Variants in DENND1A observed in about 807,000 individuals in gnomAD.
DENND1A encodes DENN domain-containing protein 1A.
In DENND1A, 51 loss-of-function variants were observed where a neutral mutation model predicts 113.7. The ratio of observed to expected loss-of-function variants is 0.45; its 90% CI spans 0.36 to 0.57. DENND1A has a LOEUF of 0.57. DENND1A is among the 20% of genes least tolerant of loss of function. The probability of loss-of-function intolerance (pLI) is 0.00; values close to 1 mark genes in which losing one functional copy is unlikely to be tolerated. For missense variants in DENND1A, 1,258 were observed against 1,395.9 expected (o/e 0.90, Z 1.57); for synonymous variants, 565 against 570.8 (o/e 0.99, Z 0.14).
At position 123,441,005 on chromosome 9, in the gene DENND1A, AT is replaced by A. The variant is rs561826481; in HGVS notation, c.1357-515del. On this transcript the variant is annotated intron_variant, in intron 18 of 23. Transcript: ENST00000394215. Reference sequence around the variant, plus strand: ...CTACTATTGGGCATTTAGGATTCTAATTTTTTTTTAAACATTCAAAATGCCA... The same window carrying A: ...CTACTATTGGGCATTTAGGATTCTAATTTTTTTTAAACATTCAAAATGCCA... Among the ~76,000 whole-genome samples, 803 of 151,912 alleles carry A rather than the reference AT, an allele frequency of 5.3e-3. 3 individuals are homozygous for A. Among genetic ancestry groups the A allele is most frequent in the Middle Eastern group, 0.02 (6 of 294 alleles).
At chr9:123,399,967 C>G (rs891954238) in intron 21 of DENND1A, 1 of 152,282 alleles carries the variant, frequency 6.6e-6, no homozygotes, top group African/African-American at 2.4e-5. Context: ...GGTGCTCCAC[C>G]GCGCCCCCTG....
Position 123,668,273 on chromosome 9 carries a change from T to C in DENND1A, c.454-1194A>G, listed in dbSNP as rs549814724. Among the ~76,000 whole-genome samples the C allele has an allele frequency of 5.9e-5, 9 of 152,242 alleles. No individual in the cohort carries two copies. In the South Asian group the frequency reaches 6.2e-4, roughly 11 times the overall value. On this transcript the variant is annotated intron_variant, in intron 7 of 23. Transcript: ENST00000394215. ...CACCCCAACCCCCACTCTTGGGTGA[T>C]TGCAAAATAGGTAGGTGTGTAGAAG...
At chr9:123,871,786 G>T (rs545241122) in intron 2 of DENND1A, among the ~76,000 whole-genome samples, 1 of 149,976 alleles carries the variant, frequency 6.7e-6, no homozygotes, top group African/African-American at 2.4e-5. Context: ...AATGCTGGGG[G>T]TTGGGGTAGG....
intron 2 of DENND1A, among the ~76,000 whole-genome samples, chr9:123,838,076 A>G (rs907249776): frequency 7.2e-5 from 11 of 152,210 alleles, no homozygotes; most frequent in African/African-American, 2.7e-4. Context: ...CCTTGTTCCA[A>G]CAGAGAAGTT....
intron 2 of DENND1A, among the ~76,000 whole-genome samples, chr9:123,818,152 GTGCA>G (rs1423415222): frequency 6.6e-6 from 1 of 152,090 alleles, no homozygotes; most frequent in South Asian, 2.1e-4. Context: ...CCAGGCTGGA[GTGCA>G]TGCAGTGGCG....
At chr9:123,903,687 G>A (rs961419389) in intron 1 of DENND1A, among the ~76,000 whole-genome samples, 7 of 152,328 alleles carry the variant, frequency 4.6e-5, no homozygotes, top group African/African-American at 1.2e-4. Flanking sequence ...GGCGCACCAC[G>A]ATATTATATC....
At chr9:123,450,819 C>G in intron 17 of DENND1A, 70 bp from the exon 18 acceptor site, 1 of 1,315,868 alleles carries the variant, frequency 7.6e-7, no homozygotes, top group Non-Finnish European at 1.1e-6. Context: ...TGATTTCAGT[C>G]CATCGAGAAT....
chr9:123,438,705 G>A (rs1277085572), intron 19 of DENND1A, among the ~76,000 whole-genome samples: 1 of 152,180 alleles, frequency 6.6e-6, no homozygotes. Context: ...GCAGACCTGT[G>A]AAGGCACAGA....
At chr9:123,393,969 C>G (rs2042985402) in intron 21 of DENND1A, among the ~76,000 whole-genome samples, 1 of 148,564 alleles carries the variant, frequency 6.7e-6, no homozygotes, top group African/African-American at 2.5e-5. Flanking sequence ...GACAAGGCTC[C>G]ATTTGGGAGG....
chr9:123,438,249 G>C (rs1183107874), intron 19 of DENND1A, among the ~76,000 whole-genome samples: 1 of 152,174 alleles, frequency 6.6e-6, no homozygotes, highest in African/African-American at 2.4e-5. Context: ...TAAGGGCAAA[G>C]CTGGAAAGAG....
intron 10 of DENND1A, among the ~76,000 whole-genome samples, chr9:123,630,127 A>T (rs12686198): frequency 0.02 from 3,017 of 150,648 alleles, 79 homozygotes; most frequent in African/African-American, 0.063. Flanking sequence ...TATAGCCTCA[A>T]CCTCTCTGGC....
intron 2 of DENND1A, among the ~76,000 whole-genome samples, chr9:123,861,654 A>C (rs1845068727): frequency 1.3e-5 from 2 of 152,188 alleles, no homozygotes; most frequent in African/African-American, 4.8e-5. Context: ...TGCTGCACAA[A>C]ACAATAGAAG....
chr9:123,665,183 C>G (rs2063435259), intron 8 of DENND1A, among the ~76,000 whole-genome samples: 1 of 152,062 alleles, frequency 6.6e-6, no homozygotes, highest in African/African-American at 2.4e-5. Context: ...TCCAGAAAGA[C>G]CAATATTTGA....
At chr9:123,506,930 A>G (rs528437603) in intron 13 of DENND1A, among the ~76,000 whole-genome samples, 11 of 152,372 alleles carry the variant, frequency 7.2e-5, no homozygotes, top group Admixed American at 6.5e-4. Context: ...TAACGCCTAT[A>G]ATCACAGCAC....
At chr9:123,474,523 C>G (rs1043042891) in intron 13 of DENND1A, among the ~76,000 whole-genome samples, 9 of 152,120 alleles carry the variant, frequency 5.9e-5, no homozygotes, top group Non-Finnish European at 1.2e-4. Context: ...TGAGAAAATC[C>G]TAGGGTCTAT....
chr9:123,919,623 T>C (rs1312490489), intron 1 of DENND1A, among the ~76,000 whole-genome samples: 1 of 152,108 alleles, frequency 6.6e-6, no homozygotes, highest in African/African-American at 2.4e-5. Context: ...GGCTCACACC[T>C]GTAATCCCAG....
At chr9:123,856,279 G>A (rs1453780363) in intron 2 of DENND1A, among the ~76,000 whole-genome samples, 3 of 152,082 alleles carry the variant, frequency 2.0e-5, no homozygotes, top group African/African-American at 4.8e-5. Flanking sequence ...CACATAGGAG[G>A]GCTTGCACAA....
chr9:123,749,965 C>T (rs2069863597), intron 5 of DENND1A, among the ~76,000 whole-genome samples: 1 of 152,102 alleles, frequency 6.6e-6, no homozygotes, highest in Non-Finnish European at 1.5e-5. Context: ...TTACAAATAC[C>T]CTACAACCCT....
intron 5 of DENND1A, among the ~76,000 whole-genome samples, chr9:123,732,831 G>A (rs1453010690): frequency 1.3e-5 from 2 of 152,192 alleles, no homozygotes; most frequent in African/African-American, 2.4e-5. Context: ...CTTTTGGCAA[G>A]TTACTTAATC....
Sources: gnomAD v4.1 joint callset for allele counts (sites outside exome capture counted in the v4.1 genomes callset) on GRCh38, gnomAD v4.1.1 for gene constraint, MANE v1.5 for transcripts, NCBI Gene and HGNC (gene_info 2026-07-23, HGNC 2026-07-21) for gene names.